The following DYRK1A variants were observed in gnomAD, a reference collection of about 807,000 sequenced individuals.
DYRK1A encodes dual specificity tyrosine-phosphorylation-regulated kinase 1A.
Under a neutral mutation model 79.7 loss-of-function variants are expected in DYRK1A, and 9 were observed. That is an observed-to-expected ratio of 0.11 (90% confidence interval 0.07 to 0.20). The LOEUF (loss-of-function observed/expected upper bound fraction) is 0.20. Among genes scored for constraint, DYRK1A ranks in the 10% least tolerant of loss-of-function variants. The pLI is 1.00. For missense variants in DYRK1A, 622 were observed against 956.0 expected, an observed-to-expected ratio of 0.65 and a Z score of 4.61; for synonymous variants, 349 against 329.7, an observed-to-expected ratio of 1.06 and a Z score of -0.63.
At chr21:37,417,529 C>CTTTTTTTTTTTTTTTTTTTTTT (rs3216074) in intron 1 of DYRK1A, among the ~76,000 whole-genome samples, 4 of 44,042 alleles carry the variant, frequency 9.1e-5, no homozygotes, top group African/African-American at 4.1e-4. Flanking sequence ...TTTTCTTTTT[C>CTTTTTTTTTTTTTTTTTTTTTT]TTTTTTTTTT....
intron 1 of DYRK1A, among the ~76,000 whole-genome samples, chr21:37,398,176 A>G (rs756006378): frequency 6.6e-6 from 1 of 150,744 alleles, no homozygotes; most frequent in African/African-American, 2.4e-5. Flanking sequence ...ACACACACAC[A>G]TACACACACA....
At chr21:37,442,999 A>G (rs1601102913) in intron 2 of DYRK1A, among the ~76,000 whole-genome samples, 1 of 152,016 alleles carries the variant, frequency 6.6e-6, no homozygotes, top group East Asian at 1.9e-4. Context: ...TACCAAGCCC[A>G]GCTAATTTTT....
intron 2 of DYRK1A, among the ~76,000 whole-genome samples, chr21:37,469,540 G>A (rs542136735): frequency 3.3e-5 from 5 of 152,284 alleles, no homozygotes; most frequent in Non-Finnish European, 5.9e-5. Flanking sequence ...TTGGCTCATG[G>A]TTCTTTCTTC....
chr21:37,381,796 A>G (rs1264347603), intron 1 of DYRK1A, among the ~76,000 whole-genome samples: 1 of 152,200 alleles, frequency 6.6e-6, no homozygotes, highest in African/African-American at 2.4e-5. Context: ...CCCTGACTCA[A>G]AAACAAAAAC....
intron 2 of DYRK1A, among the ~76,000 whole-genome samples, chr21:37,464,064 T>G (rs1013669401): frequency 6.6e-6 from 1 of 152,190 alleles, no homozygotes; most frequent in African/African-American, 2.4e-5. Context: ...AGAATAACAT[T>G]CAGATCTACA....
chr21:37,479,975 G>A lies in DYRK1A; in HGVS notation c.301-663G>A, dbSNP rs116555908. Among the ~76,000 whole-genome samples the A allele has an allele frequency of 9.8e-3, 1,486 of 152,114 alleles. 21 individuals are homozygous for A. The highest frequency in any genetic ancestry group is 0.034 in the African/African-American group (1,395 of 41,460). On this transcript the variant is annotated intron_variant, in intron 4 of 11. Coordinates refer to ENST00000647188, the MANE Select transcript of DYRK1A (RefSeq NM_001347721.2). ...ACTCAGCCTGTGATTAACCATAGGC[G>A]TATGGTCTTTGGGAGTGGGGGCTAA...
intron 1 of DYRK1A, among the ~76,000 whole-genome samples, chr21:37,376,605 G>T (rs1363283478): frequency 3.9e-5 from 6 of 152,068 alleles, no homozygotes; most frequent in Admixed American, 3.3e-4. Flanking sequence ...AGCTTGCTTC[G>T]ATGGCTTCCT....
At chr21:37,414,279 G>C (rs187231803) in intron 1 of DYRK1A, among the ~76,000 whole-genome samples, 2 of 152,198 alleles carry the variant, frequency 1.3e-5, no homozygotes, top group Non-Finnish European at 2.9e-5. Flanking sequence ...GGAAATGGTA[G>C]ATTCAGTTTA....
chr21:37,488,966 T>G, intron 6 of DYRK1A: 1 of 723,134 alleles, frequency 1.4e-6, no homozygotes, highest in Non-Finnish European at 1.7e-6. Context: ...TTTTGTTATT[T>G]TTAGTATCGA....
chr21:37,436,433 C>T (rs958246190), intron 2 of DYRK1A, among the ~76,000 whole-genome samples: 87 of 152,162 alleles, frequency 5.7e-4, no homozygotes, highest in African/African-American at 2.0e-3. Flanking sequence ...TCTTACTGTT[C>T]CAGCTAGCAC....
In DYRK1A at chr21:37,523,374, AGGATTATGCCCCG is replaced by A. The variant is rs970250898; in HGVS notation, c.*10850_*10862del. 2.6e-5 allele frequency: 4 copies of A among 152,204 alleles called. No homozygotes were observed. Among genetic ancestry groups the A allele is most frequent in the African/African-American group, 9.7e-5 (4 of 41,450 alleles). 9.4% of individuals were successfully genotyped at this position (152,204 alleles called of 1,614,324 possible). ...CCCTTTCTTTGTGAGAGGGGGCCCC[AGGATTATGCCCCG>A]GGATTAAAAGAAGCTGGGAGGCTCT... On this transcript the variant is annotated 3_prime_UTR_variant, in exon 12 of 12. Transcript: ENST00000647188.
chr21:37,448,505 T>G (rs1216207136), intron 2 of DYRK1A, among the ~76,000 whole-genome samples: 1 of 152,170 alleles, frequency 6.6e-6, no homozygotes, highest in Non-Finnish European at 1.5e-5. Context: ...AGATAACACT[T>G]TTTATAACAT....
intron 2 of DYRK1A, among the ~76,000 whole-genome samples, chr21:37,452,234 G>A (rs2051477261): frequency 6.6e-6 from 1 of 151,760 alleles, no homozygotes; most frequent in African/African-American, 2.4e-5. Context: ...AGCAGTTATT[G>A]TAGGGGATTC....
In DYRK1A at chr21:37,506,159, G is replaced by T; in HGVS notation, c.1580G>T (p.Arg527Leu). 6.2e-7 allele frequency: 1 copy of T among 1,614,146 alleles called. No individual in the cohort carries two copies. Among genetic ancestry groups the T allele is most frequent in the Non-Finnish European group, 8.5e-7 (1 of 1,180,004 alleles). ...CGGTCGGATCCGACGCACCAGCATC[G>T]GCACAGTGGTGGGCACTTCACAGCT... ...RARSDPTHQH[R>L]HSGGHFTAAV... is the part of the protein sequence containing the mutation. The change falls in exon 11 of 12, where the codon CGG becomes CTG. Residue 527 changes from arginine (R) to leucine (L), a missense_variant. Arg to Leu is a moderately radical substitution (Grantham distance 102). This residue lies in a region of DYRK1A where 292 missense variants were observed against 316.7 expected (regional missense o/e 0.92). Transcript: ENST00000647188.
At chr21:37,447,178 T>C in intron 2 of DYRK1A, among the ~76,000 whole-genome samples, 1 of 152,138 alleles carries the variant, frequency 6.6e-6, no homozygotes, top group East Asian at 1.9e-4. Context: ...AGTGAGACAG[T>C]GTTTTCTCTG....
rs554083440 is a variant in DYRK1A at position 37,511,992 on chromosome 21, C to A, written c.1726C>A (p.Gln576Lys). The A allele has an allele frequency of 6.2e-7, 1 of 1,614,152 alleles. No individual in the cohort carries two copies. The highest frequency in any genetic ancestry group is 2.2e-5 in the East Asian group (1 of 44,888). Residue 576 changes from glutamine (Q) to lysine (K), a missense_variant, in exon 12 of 12, where the codon CAA (glutamine) becomes AAA (lysine). Transcript: ENST00000647188. ...TQVTVETHPVQETTFHVAPQQ... is the reference protein window; with the variant it reads ...TQVTVETHPVKETTFHVAPQQ... The stretch of plus-strand genomic sequence containing the variant: ...GGTCACTGTTGAAACTCATCCTGTT[C>A]AAGAAACAACCTTTCATGTAGCCCC...
intron 2 of DYRK1A, among the ~76,000 whole-genome samples, chr21:37,438,449 T>C (rs2050990585): frequency 6.6e-6 from 1 of 152,222 alleles, no homozygotes; most frequent in Non-Finnish European, 1.5e-5. Flanking sequence ...TTTACAGTTT[T>C]AGGTTTTATA....
intron 1 of DYRK1A, among the ~76,000 whole-genome samples, chr21:37,383,178 T>A (rs570155919): frequency 8.3e-4 from 126 of 152,340 alleles, no homozygotes; most frequent in Middle Eastern, 3.4e-3. Flanking sequence ...GAATCTGTAT[T>A]CTCTAGTCAA....
At chr21:37,417,541 T>TTTTTTC (rs2050378442) in intron 1 of DYRK1A, among the ~76,000 whole-genome samples, 1 of 57,126 alleles carries the variant, frequency 1.8e-5, no homozygotes, top group Non-Finnish European at 4.0e-5. Flanking sequence ...TTTTTTTTTT[T>TTTTTTC]TTTTTTTTTT....
Sources: gnomAD v4.1 joint callset for allele counts (sites outside exome capture counted in the v4.1 genomes callset) on GRCh38, gnomAD v4.1.1 for gene constraint, gnomAD v4.1.1 regional missense constraint, MANE v1.5 for transcripts, NCBI Gene and HGNC (gene_info 2026-07-23, HGNC 2026-07-21) for gene names.